Variants in CHKA observed in about 807,000 individuals in gnomAD.
The protein encoded by CHKA is CHETK-alpha.
A neutral mutation model predicts 60.1 loss-of-function variants in CHKA; 34 were observed. The ratio of observed to expected loss-of-function variants is 0.57; its 90% confidence interval spans 0.43 to 0.75. The LOEUF is 0.75. Ranked by LOEUF, CHKA falls within the 30% of genes least tolerant of loss-of-function variation. The pLI is 0.00. For synonymous variants in CHKA, 217 were observed against 223.1 expected, an observed-to-expected ratio of 0.97 and a Z score of 0.24; for missense variants, 563 against 561.3, an observed-to-expected ratio of 1.00 and a Z score of -0.03.
chr11:68,097,875 A>G (rs951968538), intron 1 of CHKA, among the ~76,000 whole-genome samples: 2 of 152,308 alleles, frequency 1.3e-5, no homozygotes, highest in Non-Finnish European at 2.9e-5. Context: ...TAAGCAAGGA[A>G]TCAAACCCAG....
chr11:68,090,609 A>C (rs764263647), intron 2 of CHKA, among the ~76,000 whole-genome samples: 13 of 152,228 alleles, frequency 8.5e-5, no homozygotes, highest in Non-Finnish European at 1.8e-4. Context: ...AGGGAGGAAG[A>C]CATTTGTTTT....
intron 2 of CHKA, among the ~76,000 whole-genome samples, chr11:68,086,933 C>G (rs952293298): frequency 6.6e-6 from 1 of 152,038 alleles, no homozygotes; most frequent in Non-Finnish European, 1.5e-5. Flanking sequence ...TTGCAGTGAG[C>G]AGAGATCGTG....
chr11:68,120,630 A>C (rs1434984375), intron 1 of CHKA, among the ~76,000 whole-genome samples, 198 bp downstream of exon 1: 3 of 151,150 alleles, frequency 2.0e-5, no homozygotes, highest in Non-Finnish European at 4.4e-5. Context: ...GCGGCCGCGA[A>C]CCCGCTTCCC....
chr11:68,087,581 A>G (rs888172722), intron 2 of CHKA, among the ~76,000 whole-genome samples: 10 of 152,180 alleles, frequency 6.6e-5, no homozygotes, highest in African/African-American at 2.4e-4. Context: ...ATAAGAGTAC[A>G]GGTTTTTTAT....
chr11:68,063,955 C>T (rs542029647), intron 10 of CHKA, among the ~76,000 whole-genome samples: 2 of 152,322 alleles, frequency 1.3e-5, no homozygotes, highest in South Asian at 4.1e-4. Context: ...TTATAAATTA[C>T]CCAGTCTCAG....
intron 2 of CHKA, 34 bp downstream of exon 2, chr11:68,096,985 G>A (rs370056742): frequency 6.9e-7 from 1 of 1,450,420 alleles, no homozygotes; most frequent in Non-Finnish European, 9.6e-7. Context: ...ATGTTAACAG[G>A]ATCCCCCCCT....
chr11:68,055,086 T>C (rs1297124017), intron 11 of CHKA, among the ~76,000 whole-genome samples: 1 of 152,162 alleles, frequency 6.6e-6, no homozygotes, highest in East Asian at 1.9e-4. Context: ...GCTTCCAGTT[T>C]GGGACGATTA....
intron 3 of CHKA, among the ~76,000 whole-genome samples, chr11:68,079,591 A>G (rs1856910019): frequency 6.6e-6 from 1 of 152,174 alleles, no homozygotes; most frequent in African/African-American, 2.4e-5. Context: ...TTGGCCTCCC[A>G]AAGTGCTAGG....
chr11:68,097,194 T>C (rs1273292813), intron 1 of CHKA, 64 bp from the exon 2 acceptor site: 11 of 1,230,158 alleles, frequency 8.9e-6, no homozygotes, highest in South Asian at 5.1e-5. Flanking sequence ...TCTTCTTGGA[T>C]AAATATGGAT....
intron 3 of CHKA, among the ~76,000 whole-genome samples, chr11:68,079,980 A>G (rs1370195507): frequency 6.6e-6 from 1 of 152,226 alleles, no homozygotes; most frequent in Admixed American, 6.5e-5. Context: ...GGCTGCCCTC[A>G]GGAGAGGAAA....
chr11:68,099,986 A>C (rs1857649525), intron 1 of CHKA, among the ~76,000 whole-genome samples: 1 of 152,198 alleles, frequency 6.6e-6, no homozygotes, highest in Admixed American at 6.5e-5. Flanking sequence ...ATAAATTGTC[A>C]ATTATTTTTT....
chr11:68,082,413 C>A (rs569916855), intron 2 of CHKA: 5 of 152,634 alleles, frequency 3.3e-5, no homozygotes, highest in African/African-American at 1.2e-4. Flanking sequence ...AAGCCAGACA[C>A]AAAAGGAATC....
At chr11:68,071,290 G>A (rs574830819) in intron 4 of CHKA, among the ~76,000 whole-genome samples, 3 of 152,340 alleles carry the variant, frequency 2.0e-5, no homozygotes, top group African/African-American at 7.2e-5. Flanking sequence ...CAGGTGAGAT[G>A]TGGGGTCCAG....
chr11:68,062,005 C>T lies in CHKA; in HGVS notation c.1262G>A (p.Gly421Glu). The T allele has an allele frequency of 6.3e-7, 1 of 1,598,140 alleles. No homozygotes were observed. The highest frequency in any genetic ancestry group is 8.5e-7 in the Non-Finnish European group (1 of 1,171,842). The change falls in exon 11 of 12, where the codon GGA becomes GAA. Residue 421 changes from glycine to glutamate, a missense_variant. Transcript: ENST00000265689. ...RFALASHFLW[G>E]LWSIVQAKIS... is the part of the protein sequence containing the mutation. The stretch of plus-strand genomic sequence containing the variant: ...CTTGGCTTGTACAATGGACCACAGT[C>T]CCCAGAGGAAATGAGATGCAAGGGC...
At chr11:68,069,040 C>A in intron 6 of CHKA, 103 bp from the exon 7 acceptor site, 1 of 782,042 alleles carries the variant, frequency 1.3e-6, no homozygotes, top group Non-Finnish European at 2.2e-6. Flanking sequence ...TCCAAAGCAA[C>A]ACACAGTTTC....
At chr11:68,093,808 TAC>T (rs1478782586) in intron 2 of CHKA, among the ~76,000 whole-genome samples, 2 of 152,222 alleles carry the variant, frequency 1.3e-5, no homozygotes, top group Non-Finnish European at 2.9e-5. Context: ...GGCTGTCCAA[TAC>T]AGTGGCCACG....
intron 1 of CHKA, among the ~76,000 whole-genome samples, chr11:68,105,470 G>A (rs144379621): frequency 1.6e-4 from 21 of 131,972 alleles, no homozygotes; most frequent in East Asian, 6.9e-4. Flanking sequence ...AGCCGAAATC[G>A]GGCCACTGTA....
intron 11 of CHKA, among the ~76,000 whole-genome samples, chr11:68,057,133 C>T (rs924919839): frequency 6.6e-6 from 1 of 152,104 alleles, no homozygotes; most frequent in Admixed American, 6.6e-5. Flanking sequence ...TGTTTGTTGG[C>T]GGGGAGAACC....
At chr11:68,059,122 C>T (rs189826548) in intron 11 of CHKA, among the ~76,000 whole-genome samples, 2 of 152,222 alleles carry the variant, frequency 1.3e-5, no homozygotes, top group African/African-American at 4.8e-5. Flanking sequence ...CTCGAACTCC[C>T]GACCTCAGGT....
Sources: allele counts gnomAD v4.1 joint callset (sites outside exome capture counted in the v4.1 genomes callset), GRCh38; gene constraint gnomAD v4.1.1; transcripts MANE v1.5; gene names NCBI Gene and HGNC (gene_info 2026-07-23, HGNC 2026-07-21).